SLC38A6: variants seen among roughly 807,000 people sequenced by gnomAD.
The protein encoded by SLC38A6 is solute carrier family 38 member 6.
A neutral mutation model predicts 65.0 loss-of-function variants in SLC38A6; 73 were observed. The ratio of observed to expected loss-of-function variants is 1.12; its 90% confidence interval spans 0.93 to 1.37. SLC38A6 has a LOEUF of 1.37. Ranked by LOEUF, SLC38A6 falls within the 40% of genes most tolerant of loss-of-function variation. The pLI is 0.00. For missense variants in SLC38A6, 561 were observed against 531.1 expected, an observed-to-expected ratio of 1.06 and a Z score of -0.55; for synonymous variants, 183 against 178.8, an observed-to-expected ratio of 1.02 and a Z score of -0.19.
At chr14:61,045,965 T>C in intron 11 of SLC38A6, 102 bp from the exon 12 acceptor site, 2 of 629,742 alleles carry the variant, frequency 3.2e-6, no homozygotes, top group Non-Finnish European at 5.6e-6. Flanking sequence ...ATTGATGGAG[T>C]TGTTCTTGAA....
chr14:61,003,874 C>G (rs1235323355), intron 3 of SLC38A6, among the ~76,000 whole-genome samples: 1 of 152,074 alleles, frequency 6.6e-6, no homozygotes, highest in East Asian at 1.9e-4. Flanking sequence ...GATATGCTGA[C>G]CGGAAAGCTA....
At chr14:61,071,073 C>T (rs1038374347) in intron 15 of SLC38A6, among the ~76,000 whole-genome samples, 2 of 152,068 alleles carry the variant, frequency 1.3e-5, no homozygotes, top group African/African-American at 4.8e-5. Flanking sequence ...TTTGATTTAG[C>T]ATTATGTTTT....
chr14:61,037,204 A>G (rs75473042), intron 7 of SLC38A6, 63 bp downstream of exon 7: 35,988 of 1,243,820 alleles, frequency 0.029, 815 homozygotes, highest in African/African-American at 0.09. Context: ...AGGGAAAGAG[A>G]GACAAATATT....
intron 3 of SLC38A6, among the ~76,000 whole-genome samples, chr14:61,011,845 T>C (rs1351669528): frequency 1.3e-5 from 2 of 152,156 alleles, no homozygotes; most frequent in African/African-American, 4.8e-5. Context: ...AAAATTCTCT[T>C]TTTTTGGTTG....
In SLC38A6 at chr14:60,981,333, A is replaced by T. The variant is rs1168057774; in HGVS notation, c.56A>T (p.Gln19Leu). The change falls in exon 1 of 16, where the codon CAG (glutamine) becomes CTG (leucine). Residue 19 changes from glutamine to leucine, a missense_variant. By Grantham distance (113) the Gln-to-Leu change is moderately radical (BLOSUM62 -2). Coordinates refer to ENST00000267488, the MANE Select transcript of SLC38A6 (RefSeq NM_153811.3). ...NAERGWYVSV[Q>L]QPEEAEAEEL... ...GAGCGGGGCTGGTATGTCTCTGTCC[A>T]GCAGCCTGAAGAAGCGGAGGCCGAA... The T allele has an allele frequency of 1.2e-6, 2 of 1,610,874 alleles. No individual in the cohort carries two copies. Among genetic ancestry groups the T allele is most frequent in the Non-Finnish European group, 1.7e-6 (2 of 1,178,720 alleles).
intron 3 of SLC38A6, among the ~76,000 whole-genome samples, chr14:61,001,572 C>T (rs2038712595): frequency 6.6e-6 from 1 of 152,204 alleles, no homozygotes; most frequent in Admixed American, 6.5e-5. Context: ...GTTCCCCACC[C>T]ATTCTTCCCT....
chr14:61,001,661 C>T (rs1216681205), intron 3 of SLC38A6, among the ~76,000 whole-genome samples: 1 of 152,138 alleles, frequency 6.6e-6, no homozygotes. Flanking sequence ...CTCTCTAAGT[C>T]TAAATAATAG....
At chr14:61,036,530 A>G (rs1203845577) in intron 6 of SLC38A6, among the ~76,000 whole-genome samples, 1 of 152,176 alleles carries the variant, frequency 6.6e-6, no homozygotes, top group African/African-American at 2.4e-5. Context: ...TGATAGGTGC[A>G]GCATACCACC....
chr14:61,023,600 T>C (rs2351510), intron 5 of SLC38A6, among the ~76,000 whole-genome samples: 10,294 of 146,300 alleles, frequency 0.07, 948 homozygotes, highest in African/African-American at 0.21. Flanking sequence ...TATATATATA[T>C]ACACACACAC....
At position 60,997,390 on chromosome 14, in the gene SLC38A6, G is replaced by A. The variant is rs138485088; in HGVS notation, c.310+12587G>A. Among the ~76,000 whole-genome samples the A allele has an allele frequency of 9.2e-5, 14 of 152,204 alleles. No individual in the cohort carries two copies. The East Asian group carries it at 2.1e-3, about 23-fold the overall frequency. ...TGATCTGAAACTCCTAAGCTCCAGC[G>A]ATTTGCCCACCTCAGCTTCCCAAAG... On this transcript the variant is annotated intron_variant, in intron 3 of 15. Transcript: ENST00000267488.
At chr14:60,981,606 C>T (rs1594934999) in intron 1 of SLC38A6, 3 of 1,485,200 alleles carry the variant, frequency 2.0e-6, no homozygotes, top group Non-Finnish European at 2.7e-6. Context: ...AGATGAAAAG[C>T]GTCGGGTGGA....
intron 15 of SLC38A6, 37 bp downstream of exon 15, chr14:61,052,172 T>G: frequency 6.8e-7 from 1 of 1,471,468 alleles, no homozygotes. Context: ...AAGACTTCTA[T>G]TTTAAGAAAT....
Position 61,016,318 on chromosome 14 carries a change from C to T in SLC38A6, c.363+362C>T, listed in dbSNP as rs182017329. On this transcript the variant is annotated intron_variant, in intron 4 of 15. Transcript: ENST00000267488. ...AAAGACAAGAAAAGAAAAGCAACAT[C>T]GAATTCAAATTGTAGCATGGCTATT... Among the ~76,000 whole-genome samples, 6 of 152,156 alleles carry T rather than the reference C, an allele frequency of 3.9e-5. No homozygotes were observed. The East Asian group carries it at 5.8e-4, about 15-fold the overall frequency.
In SLC38A6 at chr14:61,043,447, C is replaced by T. The variant is rs1203713543; in HGVS notation, c.691-3C>T. On this transcript the variant is annotated splice_region_variant and splice_polypyrimidine_tract_variant and intron_variant, in intron 9 of 15. Transcript: ENST00000267488. ...TCTTTTTCCCCTCAATGCTCTTAAA[C>T]AGATTTCAAATGTTACAGATGATTG... 2 of 1,604,224 alleles carry T rather than the reference C, an allele frequency of 1.2e-6. No homozygotes were observed. Among genetic ancestry groups the T allele is most frequent in the East Asian group, 4.5e-5 (2 of 44,662 alleles).
chr14:60,982,368 G>C, intron 1 of SLC38A6, 140 bp from the exon 2 acceptor site: 1 of 1,040,308 alleles, frequency 9.6e-7, no homozygotes, highest in Non-Finnish European at 1.5e-6. Flanking sequence ...GGAAATTAGT[G>C]TTGGTTAAGC....
chr14:61,053,587 TG>T (rs1207593400), downstream of SLC38A6, among the ~76,000 whole-genome samples: 5 of 152,142 alleles, frequency 3.3e-5, no homozygotes, highest in African/African-American at 1.2e-4. Context: ...TTCTGACTGA[TG>T]GGAGATGATA....
chr14:61,039,599 G>C (rs2041653166), intron 8 of SLC38A6, among the ~76,000 whole-genome samples: 1 of 143,968 alleles, frequency 6.9e-6, no homozygotes, highest in Non-Finnish European at 1.5e-5. Context: ...TTGAACTCCT[G>C]ACCTCAAGTG....
At chr14:61,077,065 A>T (rs2043445064) in intron 15 of SLC38A6, among the ~76,000 whole-genome samples, 1 of 152,238 alleles carries the variant, frequency 6.6e-6, no homozygotes, top group Non-Finnish European at 1.5e-5. Flanking sequence ...GAATCTTGGG[A>T]CATTGATAAG....
intron 3 of SLC38A6, among the ~76,000 whole-genome samples, chr14:61,006,328 G>T (rs1349933693): frequency 2.0e-5 from 3 of 152,172 alleles, no homozygotes; most frequent in African/African-American, 7.2e-5. Context: ...ATTGACAAAT[G>T]AGATCTAATT....
Sources: gnomAD v4.1 joint callset for allele counts (sites outside exome capture counted in the v4.1 genomes callset) on GRCh38, gnomAD v4.1.1 for gene constraint, MANE v1.5 for transcripts, NCBI Gene and HGNC (gene_info 2026-07-23, HGNC 2026-07-21) for gene names.